Variants in PIK3C2G observed in about 807,000 individuals in gnomAD.
The protein encoded by PIK3C2G is phosphatidylinositol-4-phosphate 3-kinase catalytic subunit type 2 gamma, also known as phosphatidylinositol 3-kinase C2 domain-containing subunit gamma.
PIK3C2G carries 168 observed loss-of-function variants against 181.1 expected under a neutral mutation model. The ratio of observed to expected loss-of-function variants is 0.93; its 90% CI spans 0.82 to 1.05. The LOEUF (loss-of-function observed/expected upper bound fraction) is 1.05, where lower values mean the gene tolerates loss of function less well. Among genes scored for constraint, PIK3C2G ranks in the 50% least tolerant of loss-of-function variants. PIK3C2G has a pLI of 0.00. For synonymous variants in PIK3C2G, 573 were observed against 592.2 expected (o/e 0.97, Z 0.47); for missense variants, 1,869 against 1,732.8 (o/e 1.08, Z -1.40).
chr12:18,547,595 T>C, intron 26 of PIK3C2G, among the ~76,000 whole-genome samples: 1 of 151,900 alleles, frequency 6.6e-6, no homozygotes, highest in East Asian at 1.9e-4. Context: ...CAGTACTCAA[T>C]ATTGGAAATT....
At chr12:18,659,663 C>CT in the PIK3C2G span, among the ~76,000 whole-genome samples, 9,168 of 133,774 alleles carry the variant, frequency 0.069, 413 homozygotes, top group Middle Eastern at 0.13. Flanking sequence ...GTTCTCCATT[C>CT]TTTTTTTTTT....
intron 18 of PIK3C2G, among the ~76,000 whole-genome samples, chr12:18,442,661 C>T (rs1383409113): frequency 6.6e-6 from 1 of 152,054 alleles, no homozygotes. Flanking sequence ...AAACAGGACT[C>T]ATTGTAAGGA....
At chr12:18,313,005 C>T (rs973802227) in intron 5 of PIK3C2G, among the ~76,000 whole-genome samples, 7 of 152,182 alleles carry the variant, frequency 4.6e-5, no homozygotes, top group African/African-American at 1.7e-4. Context: ...AAATTATCAT[C>T]TTAAGGATTA....
At chr12:18,689,101 T>A in the PIK3C2G span, among the ~76,000 whole-genome samples, 1 of 152,030 alleles carries the variant, frequency 6.6e-6, no homozygotes, top group African/African-American at 2.4e-5. Context: ...TGTTTAGCAA[T>A]CAGCATGGAA....
intron 8 of PIK3C2G, among the ~76,000 whole-genome samples, chr12:18,333,978 T>A (rs969765085): frequency 2.0e-5 from 3 of 152,158 alleles, no homozygotes; most frequent in African/African-American, 7.2e-5. Flanking sequence ...ACCCACCTTT[T>A]CAAATGTTCA....
chr12:18,627,707 AC>A (rs796663522), intron 31 of PIK3C2G, among the ~76,000 whole-genome samples: 13 of 152,272 alleles, frequency 8.5e-5, no homozygotes, highest in African/African-American at 2.9e-4. Flanking sequence ...TTATAAACAG[AC>A]CCTTTTCATG....
chr12:18,388,959 A>G (rs1943359260), intron 14 of PIK3C2G, among the ~76,000 whole-genome samples: 3 of 152,212 alleles, frequency 2.0e-5, no homozygotes, highest in Admixed American at 2.0e-4. Flanking sequence ...TTGTTAAAAT[A>G]AGGAGTGCAT....
At chr12:18,492,466 T>A (rs1940655986) in intron 20 of PIK3C2G, among the ~76,000 whole-genome samples, 1 of 152,224 alleles carries the variant, frequency 6.6e-6, no homozygotes, top group African/African-American at 2.4e-5. Flanking sequence ...TTCATAAATA[T>A]ATTTTGAAAC....
At chr12:18,461,873 T>C (rs1451036855) in intron 18 of PIK3C2G, among the ~76,000 whole-genome samples, 1 of 152,282 alleles carries the variant, frequency 6.6e-6, no homozygotes, top group East Asian at 1.9e-4. Context: ...GCAGACTGAG[T>C]GAACTAAGGC....
chr12:18,641,869 C>T (rs1949859121), intron 32 of PIK3C2G, among the ~76,000 whole-genome samples: 1 of 151,216 alleles, frequency 6.6e-6, no homozygotes, highest in African/African-American at 2.4e-5. Flanking sequence ...CCTGTTTAAG[C>T]CACCCGAGTA....
the PIK3C2G span, among the ~76,000 whole-genome samples, chr12:18,706,602 T>G: frequency 6.6e-6 from 1 of 152,190 alleles, no homozygotes; most frequent in Non-Finnish European, 1.5e-5. Context: ...AAACTTGCCA[T>G]TAAATAGGGA....
intron 14 of PIK3C2G, among the ~76,000 whole-genome samples, chr12:18,383,262 T>A (rs1942958875): frequency 6.6e-6 from 1 of 152,114 alleles, no homozygotes. Flanking sequence ...TAAACACTCT[T>A]ACAAAAATGA....
chr12:18,605,263 A>C (rs1045109426), intron 30 of PIK3C2G, among the ~76,000 whole-genome samples: 1 of 152,174 alleles, frequency 6.6e-6, no homozygotes, highest in Non-Finnish European at 1.5e-5. Context: ...ACACCTTTAC[A>C]CACATAATCT....
chr12:18,509,299 C>T (rs757344632), intron 24 of PIK3C2G, among the ~76,000 whole-genome samples: 158 of 152,280 alleles, frequency 1.0e-3, no homozygotes, highest in Admixed American at 1.8e-3. Flanking sequence ...TCGCCCGCCT[C>T]GGCCTCTCAA....
intron 7 of PIK3C2G, among the ~76,000 whole-genome samples, chr12:18,324,765 A>G (rs1471370051): frequency 1.3e-5 from 2 of 152,222 alleles, no homozygotes; most frequent in African/African-American, 2.4e-5. Context: ...GTAGTTTTAT[A>G]TAATGATCAG....
chr12:18,691,068 G>A, the PIK3C2G span, among the ~76,000 whole-genome samples: 1 of 152,138 alleles, frequency 6.6e-6, no homozygotes, highest in South Asian at 2.1e-4. Context: ...CTGATGACAG[G>A]TAGTAAATTC....
chr12:18,316,972 A>C lies in PIK3C2G; in HGVS notation c.1137+2908A>C, dbSNP rs142818974. Among the ~76,000 whole-genome samples the C allele has an allele frequency of 3.0e-4, 45 of 151,970 alleles. No homozygotes were observed. In the East Asian group the frequency reaches 8.0e-3, roughly 27 times the overall value. On this transcript the variant is annotated intron_variant, in intron 6 of 32. Transcript: ENST00000538779. ...GGGGTAACTTCCATGCAGAATATGAAAAAGGCATTCCGTATCCCCATCTCT... is the reference window on the plus strand; with the variant it reads ...GGGGTAACTTCCATGCAGAATATGACAAAGGCATTCCGTATCCCCATCTCT...
In PIK3C2G at chr12:18,616,302, TA is replaced by T. The variant is rs1435369656; in HGVS notation, c.4182+6674del. Among the ~76,000 whole-genome samples, 6 of 152,262 alleles carry T rather than the reference TA, an allele frequency of 3.9e-5. No individual in the cohort carries two copies. The East Asian group carries it at 1.2e-3, about 29-fold the overall frequency. On this transcript the variant is annotated intron_variant, in intron 31 of 32. Transcript: ENST00000538779. The stretch of plus-strand genomic sequence containing the variant: ...GAAAATATATTTTGAATACAGTGGT[TA>T]GCAAAATATTATGCCCTTAACACAC...
chr12:18,273,191 T>C (rs1294166021), intron 1 of PIK3C2G, among the ~76,000 whole-genome samples: 1 of 152,202 alleles, frequency 6.6e-6, no homozygotes, highest in Non-Finnish European at 1.5e-5. Flanking sequence ...TTCTTAAAAA[T>C]GCATACATTA....
Sources: gnomAD v4.1 joint callset for allele counts (sites outside exome capture counted in the v4.1 genomes callset) on GRCh38, gnomAD v4.1.1 for gene constraint, MANE v1.5 for transcripts, NCBI Gene and HGNC (gene_info 2026-07-23, HGNC 2026-07-21) for gene names.